Variants in ZNF185 observed in about 807,000 individuals in gnomAD.
ZNF185 encodes zinc finger protein 185 with LIM domain, also known as zinc finger protein 185.
A neutral mutation model predicts 58.6 loss-of-function variants in ZNF185; 56 were observed. That is an observed-to-expected ratio of 0.95 (90% CI 0.77 to 1.19). The LOEUF is 1.19. Among genes scored for constraint, ZNF185 ranks in the 50% most tolerant of loss-of-function variants. The pLI is 0.00. For missense variants in ZNF185, 627 were observed against 573.5 expected (o/e 1.09, Z -0.95); for synonymous variants, 230 against 215.9 (o/e 1.07, Z -0.57).
In ZNF185 at chrX:152,936,625, C is replaced by T. The variant is rs1179983961; in HGVS notation, c.1122-1449C>T. 1.4e-5 allele frequency: 9 copies of T among 621,745 alleles called. No individual in the cohort carries two copies. The African/African-American group carries it at 1.8e-4, about 12-fold the overall frequency. The allele number at this position is 621,745 out of a possible 1,213,427, so 51.2% of individuals were successfully genotyped here. ...CCCCCTCGAACTTCTCAGCTCCATGCCACTTTCACATCAGGTGATCACAGC... is the reference window on the plus strand; with the variant it reads ...CCCCCTCGAACTTCTCAGCTCCATGTCACTTTCACATCAGGTGATCACAGC... On this transcript the variant is annotated intron_variant, in intron 14 of 22. Transcript: ENST00000449285.
At chrX:152,949,778 T>A (rs374470712) in intron 16 of ZNF185, among the ~76,000 whole-genome samples, 10 of 111,341 alleles carry the variant, frequency 9.0e-5, no homozygotes, top group African/African-American at 3.3e-4. Context: ...ATGGAAAAAT[T>A]AAAAAAAATC....
intron 6 of ZNF185, among the ~76,000 whole-genome samples, chrX:152,918,475 C>T (rs1347726402): frequency 1.8e-5 from 2 of 113,182 alleles, no homozygotes; most frequent in African/African-American, 6.4e-5. Context: ...GCTTCCTGGG[C>T]TTGGCCCTGC....
chrX:152,918,120 G>A, exon 6 of ZNF185: 1 of 1,196,641 alleles, frequency 8.4e-7, no homozygotes, highest in Non-Finnish European at 1.1e-6. Flanking sequence ...CTCCTCCTCT[G>A]GCTACAAGAT....
the ZNF185 span, among the ~76,000 whole-genome samples, chrX:152,905,666 A>G: frequency 3.0e-5 from 3 of 100,591 alleles, no homozygotes; most frequent in Admixed American, 1.1e-4. Context: ...CTCCACCCCT[A>G]TTTTACCAAG....
chrX:152,967,479 G>C (rs2050231637), intron 20 of ZNF185, among the ~76,000 whole-genome samples: 1 of 112,600 alleles, frequency 8.9e-6, no homozygotes, highest in East Asian at 2.8e-4. Flanking sequence ...ACTGAGAAGG[G>C]AAGTGGTGGC....
At chrX:152,947,204 G>A (rs895631941) in intron 16 of ZNF185, among the ~76,000 whole-genome samples, 1 of 111,107 alleles carries the variant, frequency 9.0e-6, no homozygotes, top group South Asian at 3.8e-4. Flanking sequence ...AACACAGCAA[G>A]ACCCCATTTC....
At chrX:152,900,527 GC>G in the ZNF185 span, among the ~76,000 whole-genome samples, 1 of 113,326 alleles carries the variant, frequency 8.8e-6, no homozygotes, top group South Asian at 3.6e-4. Flanking sequence ...GCTCTCCAGT[GC>G]GGCAACCCCT....
chrX:152,941,666 G>A, intron 15 of ZNF185: 2 of 1,162,057 alleles, frequency 1.7e-6, no homozygotes, highest in Non-Finnish European at 2.3e-6. Flanking sequence ...CCCGAACTCG[G>A]TCGCAGTGCC....
exon 3 of ZNF185, chrX:152,915,190 G>A (rs1603152205): frequency 1.7e-6 from 2 of 1,210,176 alleles, no homozygotes; most frequent in African/African-American, 3.5e-5. Context: ...AGCTGGGGAG[G>A]TTCCGAAGCC....
the ZNF185 span, among the ~76,000 whole-genome samples, chrX:152,900,012 T>C: frequency 1.8e-5 from 2 of 111,699 alleles, no homozygotes; most frequent in African/African-American, 6.5e-5. Context: ...ATGGCAGCAG[T>C]GCTTGTCCAC....
At chrX:152,949,391 G>T (rs191019260) in intron 16 of ZNF185, among the ~76,000 whole-genome samples, 3 of 112,500 alleles carry the variant, frequency 2.7e-5, no homozygotes, top group Non-Finnish European at 1.9e-5. Context: ...TCTAAATCCT[G>T]TAGCATGCTG....
chrX:152,918,486 A>G (rs990486773), intron 6 of ZNF185, among the ~76,000 whole-genome samples: 1 of 112,733 alleles, frequency 8.9e-6, no homozygotes, highest in African/African-American at 3.2e-5. Flanking sequence ...TTGGCCCTGC[A>G]CCCGGCCGAG....
chrX:152,898,882 G>A, the ZNF185 span, among the ~76,000 whole-genome samples: 4 of 112,600 alleles, frequency 3.6e-5, no homozygotes, highest in African/African-American at 1.3e-4. Flanking sequence ...TCTTTGGAAA[G>A]GCAGAGGGAT....
chrX:152,969,437 A>G lies in ZNF185; in HGVS notation c.1927A>G (p.Ile643Val), dbSNP rs185530258. ...CCGTGAGATCCGAGACTGTCCAAAGATTACCCTAGAACATCTTGGTATCTG... is the reference window on the plus strand; with the variant it reads ...CCGTGAGATCCGAGACTGTCCAAAGGTTACCCTAGAACATCTTGGTATCTG... Residue 643 changes from isoleucine (I) to valine (V), a missense_variant, in exon 21 of 23, where the codon ATT becomes GTT. Physicochemically the swap from Ile to Val is conservative, Grantham distance 29. Transcript: ENST00000449285. 5.5e-5 allele frequency: 66 copies of G among 1,207,261 alleles called. No individual in the cohort carries two copies. In the East Asian group the frequency reaches 1.4e-3, roughly 26 times the overall value.
intron 9 of ZNF185, among the ~76,000 whole-genome samples, chrX:152,921,535 T>A (rs868921385): frequency 6.6e-5 from 1 of 15,243 alleles, no homozygotes; most frequent in Non-Finnish European, 1.3e-4. Flanking sequence ...CGGGGGGCGG[T>A]GGGGGGGTCT....
chrX:152,945,398 C>G lies in ZNF185; in HGVS notation c.1343C>G (p.Thr448Ser), dbSNP rs201245994. The change falls in exon 16 of 23, where the codon ACC becomes AGC. Residue 448 changes from threonine (T) to serine (S), a missense_variant. Transcript: ENST00000449285. ...GCTCAGCAACCTGCAGATCCCAGCA[C>G]CCCAGAGCGGCAGAGCAGCCCCAGC... The G allele has an allele frequency of 1.5e-5, 18 of 1,206,529 alleles. No individual in the cohort carries two copies. In the Admixed American group the frequency reaches 3.3e-4, roughly 22 times the overall value.
intron 11 of ZNF185, among the ~76,000 whole-genome samples, chrX:152,926,300 A>G (rs1367252051): frequency 5.3e-5 from 6 of 112,765 alleles, no homozygotes; most frequent in African/African-American, 1.9e-4. Flanking sequence ...CAAATGCTAA[A>G]TGAGATCGTG....
intron 16 of ZNF185, among the ~76,000 whole-genome samples, chrX:152,955,852 A>G (rs1405448792): frequency 9.1e-6 from 1 of 110,232 alleles, no homozygotes; most frequent in Non-Finnish European, 1.9e-5. Flanking sequence ...CAGTGAGCCA[A>G]GATCACGCCA....
chrX:152,901,345 T>C, the ZNF185 span, among the ~76,000 whole-genome samples: 3 of 108,932 alleles, frequency 2.8e-5, no homozygotes, highest in South Asian at 1.2e-3. Flanking sequence ...CTCCAACTCC[T>C]GGGCTCAAGC....
Sources: allele counts gnomAD v4.1 joint callset (sites outside exome capture counted in the v4.1 genomes callset), GRCh38; gene constraint gnomAD v4.1.1; transcripts MANE v1.5; gene names NCBI Gene and HGNC (gene_info 2026-07-23, HGNC 2026-07-21).